ZFP90: variants seen among roughly 807,000 people sequenced by gnomAD.
The protein encoded by ZFP90 is ZFP90 zinc finger protein.
In ZFP90, 38 loss-of-function variants were observed where a neutral mutation model predicts 60.8. The observed-to-expected ratio is 0.62, with a 90% CI of 0.48 to 0.82. The LOEUF (loss-of-function observed/expected upper bound fraction) is 0.82. ZFP90 is among the 40% of genes least tolerant of loss of function. The probability of loss-of-function intolerance (pLI) is 0.00; values close to 1 mark genes in which losing one functional copy is unlikely to be tolerated. For synonymous variants in ZFP90, 287 were observed against 264.8 expected (o/e 1.08, Z -0.82); for missense variants, 711 against 759.1 (o/e 0.94, Z 0.74).
At chr16:68,575,153 C>T (rs925805190) in intron 2 of ZFP90, among the ~76,000 whole-genome samples, 4 of 152,208 alleles carry the variant, frequency 2.6e-5, no homozygotes, top group African/African-American at 9.6e-5. Context: ...AGTGTCCCCA[C>T]CTGGGCCTCC....
In ZFP90 at chr16:68,564,168, C is replaced by T. The variant is rs1340661897; in HGVS notation, c.1381C>T (p.His461Tyr). 6.2e-7 allele frequency: 1 copy of T among 1,614,140 alleles called. No individual in the cohort carries two copies. The highest frequency in any genetic ancestry group is 8.5e-7 in the Non-Finnish European group (1 of 1,180,024). Residue 461 changes from histidine (H) to tyrosine (Y), a missense_variant, in exon 5 of 5, where the codon CAC becomes TAC. Physicochemically the swap from His to Tyr is moderately conservative, Grantham distance 83. This residue lies in a region of ZFP90 where 295 missense variants were observed against 274.0 expected (regional missense o/e 1.08). Transcript: ENST00000563169. Reference protein sequence around the residue: ...HCNDCGEDFSHITDFTDHQRI... With the variant: ...HCNDCGEDFSYITDFTDHQRI... Reference sequence around the variant, plus strand: ...TAATGACTGTGGGGAAGACTTTAGTCACATTACAGACTTTACTGACCATCA... The same window carrying T: ...TAATGACTGTGGGGAAGACTTTAGTTACATTACAGACTTTACTGACCATCA...
chr16:68,550,073 T>C (rs2091232546), intron 2 of ZFP90, among the ~76,000 whole-genome samples: 1 of 152,180 alleles, frequency 6.6e-6, no homozygotes, highest in Non-Finnish European at 1.5e-5. Flanking sequence ...CCATGTGTAA[T>C]TTTAAGTTTT....
Position 68,566,828 on chromosome 16 carries a change from A to G in ZFP90, c.*2130A>G. On this transcript the variant is annotated 3_prime_UTR_variant, in exon 5 of 5. Coordinates refer to ENST00000563169, the MANE Select transcript of ZFP90 (RefSeq NM_001305203.2). ...TACTTTCAGGAATGGCATGAATTGTAACCAACTGAGTGCTGCCCCCACTGT... is the reference window on the plus strand; with the variant it reads ...TACTTTCAGGAATGGCATGAATTGTGACCAACTGAGTGCTGCCCCCACTGT... 1.0e-6 allele frequency: 1 copy of G among 985,594 alleles called. No homozygotes were observed. Among genetic ancestry groups the G allele is most frequent in the Non-Finnish European group, 1.2e-6 (1 of 829,964 alleles). The allele number at this position is 985,594 out of a possible 1,614,324, so 61.1% of individuals were successfully genotyped here. A position where few individuals can be genotyped will look rare whatever the true frequency, so the allele number is the denominator to read the frequency against.
chr16:68,548,171 A>G (rs1406407432), intron 2 of ZFP90, among the ~76,000 whole-genome samples: 1 of 152,106 alleles, frequency 6.6e-6, no homozygotes, highest in Non-Finnish European at 1.5e-5. Context: ...GGAAATAGCC[A>G]CCAGAGAGAA....
upstream of ZFP90, among the ~76,000 whole-genome samples, chr16:68,534,742 A>G (rs1427766736): frequency 6.6e-6 from 1 of 151,512 alleles, no homozygotes; most frequent in Non-Finnish European, 1.5e-5. Context: ...TGTCTCTACT[A>G]AAAATACAAA....
chr16:68,552,974 C>G (rs1475498764), intron 2 of ZFP90, among the ~76,000 whole-genome samples: 1 of 152,094 alleles, frequency 6.6e-6, no homozygotes, highest in Admixed American at 6.6e-5. Flanking sequence ...ATTGCCTAGG[C>G]CCGGTAGGTC....
intron 2 of ZFP90, among the ~76,000 whole-genome samples, chr16:68,572,252 A>G (rs1285253259): frequency 1.2e-4 from 19 of 152,192 alleles, no homozygotes; most frequent in Non-Finnish European, 1.5e-5. Context: ...AAAGGAGTCA[A>G]GAAATCTGGA....
chr16:68,545,847 T>TC (rs1236882953), intron 2 of ZFP90, among the ~76,000 whole-genome samples: 1 of 151,974 alleles, frequency 6.6e-6, no homozygotes, highest in Non-Finnish European at 1.5e-5. Flanking sequence ...AAGATTCTTT[T>TC]CCTTACTTTT....
chr16:68,570,154 T>C (rs1366682664), downstream of ZFP90, among the ~76,000 whole-genome samples: 1 of 152,172 alleles, frequency 6.6e-6, no homozygotes, highest in Non-Finnish European at 1.5e-5. Context: ...GGAATACTCA[T>C]CTCTAATTCC....
chr16:68,575,816 G>A (rs1010884447), exon 3 of ZFP90: 20 of 398,168 alleles, frequency 5.0e-5, no homozygotes, highest in Middle Eastern at 6.2e-4. Flanking sequence ...TGCCGCTGTC[G>A]CTACCATCTG....
At chr16:68,550,282 C>A (rs1167444562) in intron 2 of ZFP90, among the ~76,000 whole-genome samples, 1 of 151,990 alleles carries the variant, frequency 6.6e-6, no homozygotes. Flanking sequence ...TTATTTGAAA[C>A]AGAGTCTCAC....
At chr16:68,548,173 C>CAGAG (rs1411941675) in intron 2 of ZFP90, among the ~76,000 whole-genome samples, 1 of 152,090 alleles carries the variant, frequency 6.6e-6, no homozygotes, top group East Asian at 1.9e-4. Context: ...AAATAGCCAC[C>CAGAG]AGAGAGAAAG....
At chr16:68,570,169 C>G (rs1018611748), downstream of ZFP90, among the ~76,000 whole-genome samples, 1 of 152,158 alleles carries the variant, frequency 6.6e-6, no homozygotes, top group African/African-American at 2.4e-5. Context: ...AATTCCTCTT[C>G]TTCCATTCGC....
chr16:68,563,924 T>G lies in ZFP90; in HGVS notation c.1137T>G (p.Ser379=). ...KECGKAFSRC[S]SLVQHERTHT... Reference sequence around the variant, plus strand: ...GTGGGAAAGCCTTTAGTCGATGTTCTTCCCTTGTCCAACATGAGAGGACTC... The same window carrying G: ...GTGGGAAAGCCTTTAGTCGATGTTCGTCCCTTGTCCAACATGAGAGGACTC... Residue 379 remains serine (S), a synonymous_variant, in exon 5 of 5, where the codon TCT becomes TCG. Transcript: ENST00000563169. 1.2e-6 allele frequency: 2 copies of G among 1,614,010 alleles called. No individual in the cohort carries two copies. Among genetic ancestry groups the G allele is most frequent in the Non-Finnish European group, 1.7e-6 (2 of 1,179,974 alleles).
At chr16:68,574,813 A>C (rs1278699940) in intron 2 of ZFP90, among the ~76,000 whole-genome samples, 1 of 151,732 alleles carries the variant, frequency 6.6e-6, no homozygotes, top group South Asian at 2.1e-4. Context: ...AGTCCCAGCT[A>C]CTTGGCAGAC....
chr16:68,551,864 T>C (rs1010530713), intron 2 of ZFP90, among the ~76,000 whole-genome samples: 2 of 152,180 alleles, frequency 1.3e-5, no homozygotes, highest in African/African-American at 4.8e-5. Context: ...GTTCACACCA[T>C]TCTCCTGCCT....
chr16:68,571,509 C>G (rs1222370067), downstream of ZFP90, among the ~76,000 whole-genome samples: 2 of 152,184 alleles, frequency 1.3e-5, no homozygotes, highest in African/African-American at 4.8e-5. Context: ...TCCCACACAA[C>G]CACCTGCTTG....
rs138606110 is a variant in ZFP90, at chr16:68,559,255, A to C, written c.256+687A>C. On this transcript the variant is annotated intron_variant, in intron 4 of 4. Transcript: ENST00000563169. ...TCTTTATTCTATGCCATAGACTCAG[A>C]AGTCTTCCTTATTTGTACCATGGTT... Among the ~76,000 whole-genome samples, 769 of 152,228 alleles carry C rather than the reference A, an allele frequency of 5.1e-3. 4 individuals are homozygous for C. The highest frequency in any genetic ancestry group is 9.0e-3 in the Non-Finnish European group (611 of 68,020).
chr16:68,562,869 C>T (rs764776850), intron 4 of ZFP90, 175 bp from the exon 5 acceptor site: 8 of 1,432,086 alleles, frequency 5.6e-6, no homozygotes, highest in South Asian at 2.6e-5. Context: ...AATCTGCAGT[C>T]TTTGCTATCA....
Sources: gnomAD v4.1 joint callset for allele counts (sites outside exome capture counted in the v4.1 genomes callset) on GRCh38, gnomAD v4.1.1 for gene constraint, gnomAD v4.1.1 regional missense constraint, MANE v1.5 for transcripts, NCBI Gene and HGNC (gene_info 2026-07-23, HGNC 2026-07-21) for gene names.